Variants in AP2B1 observed in about 807,000 individuals in gnomAD.
The protein encoded by AP2B1 is AP-2 complex subunit beta.
AP2B1 carries 23 observed loss-of-function variants against 102.0 expected under a neutral mutation model. That is an observed-to-expected ratio of 0.23 (90% CI 0.16 to 0.32). The LOEUF is 0.32. Among genes scored for constraint, AP2B1 ranks in the 10% least tolerant of loss-of-function variants. The probability of loss-of-function intolerance (pLI) is 1.00; values close to 1 mark genes in which losing one functional copy is unlikely to be tolerated. For missense variants in AP2B1, 541 were observed against 1,157.4 expected (o/e 0.47, Z 7.73); for synonymous variants, 381 against 421.2 (o/e 0.90, Z 1.17).
intron 1 of AP2B1, chr17:35,588,754 C>A (rs2072986935): frequency 6.6e-6 from 1 of 152,190 alleles, no homozygotes; most frequent in South Asian, 2.1e-4. Flanking sequence ...TTTGCAGTAT[C>A]TTAGCCGTTG....
intron 18 of AP2B1, among the ~76,000 whole-genome samples, chr17:35,694,232 A>G (rs1598304453): frequency 6.6e-6 from 1 of 152,012 alleles, no homozygotes; most frequent in African/African-American, 2.4e-5. Flanking sequence ...TCAATACAGT[A>G]TGTATTAAAT....
chr17:35,701,372 G>A (rs1315936231), intron 18 of AP2B1, among the ~76,000 whole-genome samples: 1 of 152,108 alleles, frequency 6.6e-6, no homozygotes, highest in Non-Finnish European at 1.5e-5. Flanking sequence ...TTTTCCTAGA[G>A]CATCAGTTTT....
chr17:35,600,963 G>T (rs953921426), intron 3 of AP2B1: 1 of 983,042 alleles, frequency 1.0e-6, no homozygotes, highest in South Asian at 4.7e-5. Context: ...GTGAATTTTT[G>T]TTATTTTTCT....
At chr17:35,640,784 T>TA (rs1389531123) in intron 11 of AP2B1, among the ~76,000 whole-genome samples, 2 of 152,208 alleles carry the variant, frequency 1.3e-5, no homozygotes, top group Non-Finnish European at 2.9e-5. Context: ...GAGCAGTAGT[T>TA]ACCACTACTT....
chr17:35,595,996 G>A (rs950316738), intron 2 of AP2B1, among the ~76,000 whole-genome samples: 6 of 151,608 alleles, frequency 4.0e-5, no homozygotes, highest in African/African-American at 1.5e-4. Context: ...TTTTAATTCA[G>A]GCATTTGTAA....
At chr17:35,641,434 T>C (rs1340283928) in intron 11 of AP2B1, among the ~76,000 whole-genome samples, 1 of 151,964 alleles carries the variant, frequency 6.6e-6, no homozygotes, top group Non-Finnish European at 1.5e-5. Flanking sequence ...TTTTAAAAAT[T>C]AGTTGTAGTG....
chr17:35,642,971 G>A (rs1453984035), intron 12 of AP2B1, among the ~76,000 whole-genome samples: 1 of 150,948 alleles, frequency 6.6e-6, no homozygotes, highest in African/African-American at 2.4e-5. Flanking sequence ...GATCCCATTT[G>A]CATCTCTAAG....
intron 14 of AP2B1, among the ~76,000 whole-genome samples, chr17:35,661,569 C>A (rs1038404286): frequency 6.6e-6 from 1 of 152,190 alleles, no homozygotes; most frequent in Non-Finnish European, 1.5e-5. Flanking sequence ...GGTTATCCAT[C>A]GTGTCAGAAG....
chr17:35,594,617 GA>G (rs2073203876), intron 2 of AP2B1, among the ~76,000 whole-genome samples: 2 of 152,022 alleles, frequency 1.3e-5, no homozygotes, highest in Non-Finnish European at 2.9e-5. Context: ...GCAAAACAAT[GA>G]ATAGAAATGA....
chr17:35,636,992 A>G (rs2074625127), intron 10 of AP2B1, among the ~76,000 whole-genome samples: 1 of 152,188 alleles, frequency 6.6e-6, no homozygotes. Flanking sequence ...TATTGTAGTT[A>G]TTCTCATACA....
At chr17:35,717,142 C>T (rs2076565406) in intron 20 of AP2B1, 53 bp from the exon 21 acceptor site, 1 of 1,587,916 alleles carries the variant, frequency 6.3e-7, no homozygotes, top group Admixed American at 1.7e-5. Flanking sequence ...AGAGAGTGTA[C>T]ATTTGTTTGA....
chr17:35,680,693 T>TTTTGG (rs1555576208), intron 17 of AP2B1, among the ~76,000 whole-genome samples: 7 of 57,504 alleles, frequency 1.2e-4, no homozygotes, highest in African/African-American at 7.3e-4. Context: ...TTGGTTTTTT[T>TTTTGG]TTTTTTGTTT....
chr17:35,706,113 G>A (rs919931770), intron 18 of AP2B1, among the ~76,000 whole-genome samples: 3 of 152,130 alleles, frequency 2.0e-5, no homozygotes, highest in Non-Finnish European at 1.5e-5. Flanking sequence ...GAAGTCCCAG[G>A]AAAGCCCTCA....
At chr17:35,626,529 C>A in intron 6 of AP2B1, 92 bp from the exon 7 acceptor site, 2 of 1,046,764 alleles carry the variant, frequency 1.9e-6, no homozygotes, top group Non-Finnish European at 2.8e-6. Flanking sequence ...TTTTTTGATA[C>A]TTGGCCATTA....
chr17:35,674,249 A>G lies in AP2B1; in HGVS notation c.2252A>G (p.Tyr751Cys), dbSNP rs748308397. Residue 751 changes from tyrosine (Y) to cysteine (C), a missense_variant, in exon 17 of 22, where the codon TAT becomes TGT. By Grantham distance (194) the Tyr-to-Cys change is radical (BLOSUM62 -2). Coordinates refer to ENST00000610402, the MANE Select transcript of AP2B1 (RefSeq NM_001030006.2). ...GTFTHRQGHI[Y>C]MEMNFTNKAL... is the part of the protein sequence containing the mutation. ...TTTACTCACCGCCAAGGGCACATCT[A>G]TATGGAAATGAACTTCACCAATAAA... The G allele has an allele frequency of 1.1e-5, 18 of 1,614,100 alleles. No individual in the cohort carries two copies. The highest frequency in any genetic ancestry group is 1.7e-5 in the Admixed American group (1 of 60,006).
chr17:35,640,242 T>A (rs113970108), intron 11 of AP2B1, among the ~76,000 whole-genome samples: 87 of 16,106 alleles, frequency 5.4e-3, no homozygotes, highest in African/African-American at 0.011. Context: ...TTTTTTTTTT[T>A]TTTTTTTTTT....
At chr17:35,623,785 G>GTCA (rs2074245953) in intron 5 of AP2B1, among the ~76,000 whole-genome samples, 1 of 152,148 alleles carries the variant, frequency 6.6e-6, no homozygotes, top group Non-Finnish European at 1.5e-5. Context: ...TTACACATAT[G>GTCA]TCATCTGATC....
intron 5 of AP2B1, among the ~76,000 whole-genome samples, chr17:35,623,824 G>A (rs2074246781): frequency 6.6e-6 from 1 of 152,174 alleles, no homozygotes; most frequent in Admixed American, 6.5e-5. Flanking sequence ...TAATCTGTGA[G>A]GTGGATTAAA....
chr17:35,607,603 A>G (rs1313295856), intron 4 of AP2B1, among the ~76,000 whole-genome samples: 1 of 152,230 alleles, frequency 6.6e-6, no homozygotes, highest in African/African-American at 2.4e-5. Context: ...ATGTTAGCCA[A>G]GAGCTCAGAG....
Sources: allele counts gnomAD v4.1 joint callset (sites outside exome capture counted in the v4.1 genomes callset), GRCh38; gene constraint gnomAD v4.1.1; transcripts MANE v1.5; gene names NCBI Gene and HGNC (gene_info 2026-07-23, HGNC 2026-07-21).